GIMAP5: variants seen among roughly 807,000 people sequenced by gnomAD.
The protein encoded by GIMAP5 is GTPase, IMAP family member 5, also known as GTPase IMAP family member 5.
GIMAP5 carries 8 observed loss-of-function variants against 9.9 expected under a neutral mutation model. The observed-to-expected ratio is 0.81, with a 90% CI of 0.47 to 1.45. The LOEUF is 1.45. Ranked by LOEUF, GIMAP5 falls within the 40% of genes most tolerant of loss-of-function variation. The probability of loss-of-function intolerance (pLI) is 0.00; values close to 1 mark genes in which losing one functional copy is unlikely to be tolerated. For synonymous variants in GIMAP5, 174 were observed against 151.4 expected, an observed-to-expected ratio of 1.15 and a Z score of -1.09; for missense variants, 353 against 367.4, an observed-to-expected ratio of 0.96 and a Z score of 0.32.
In GIMAP5 at chr7:150,741,069, G is replaced by A; in HGVS notation, c.43+142G>A. Reference sequence around the variant, plus strand: ...GATAAAGGCAACTATCATCACGTGTGTGTTATCAAACCATCACACACACAC... The same window carrying A: ...GATAAAGGCAACTATCATCACGTGTATGTTATCAAACCATCACACACACAC... On this transcript the variant is annotated intron_variant, in intron 2 of 2. Transcript: ENST00000358647. The A allele has an allele frequency of 3.9e-6, 3 of 762,284 alleles. No homozygotes were observed. The South Asian group carries it at 5.2e-5, about 13-fold the overall frequency. 47.2% of individuals were successfully genotyped at this position (762,284 alleles called of 1,614,324 possible). A position where few individuals can be genotyped will look rare whatever the true frequency, so the allele number is the denominator to read the frequency against.
Position 150,737,439 on chromosome 7 carries a change from A to C in GIMAP5, c.-276A>C. 7.8e-7 allele frequency: 1 copy of C among 1,280,054 alleles called. No individual in the cohort carries two copies. Among genetic ancestry groups the C allele is most frequent in the Non-Finnish European group, 1.1e-6 (1 of 918,180 alleles). The allele number at this position is 1,280,054 out of a possible 1,614,324, so 79.3% of individuals were successfully genotyped here. Reference sequence around the variant, plus strand: ...TCCCAATCAGTTTCCAGCCAACACCAGGGTGTCCTAGTCCGCAGAGGTGTG... The same window carrying C: ...TCCCAATCAGTTTCCAGCCAACACCCGGGTGTCCTAGTCCGCAGAGGTGTG... On this transcript the variant is annotated 5_prime_UTR_variant, in exon 1 of 3. Coordinates refer to ENST00000358647, the MANE Select transcript of GIMAP5 (RefSeq NM_018384.5).
intron 1 of GIMAP5, chr7:150,738,822 T>C (rs746926149): frequency 7.9e-5 from 12 of 152,390 alleles, no homozygotes; most frequent in Middle Eastern, 3.4e-3. Context: ...CTCTATTCAG[T>C]TCTTTTATAA....
At chr7:150,737,906 C>G (rs1227441428) in intron 1 of GIMAP5, 198 bp downstream of exon 1, 1 of 600,038 alleles carries the variant, frequency 1.7e-6, no homozygotes, top group East Asian at 2.8e-5. Context: ...CCTGAAGAAT[C>G]TGTGCCTGCA....
At chr7:150,741,456 C>T (rs1797593275) in intron 2 of GIMAP5, among the ~76,000 whole-genome samples, 1 of 152,204 alleles carries the variant, frequency 6.6e-6, no homozygotes, top group African/African-American at 2.4e-5. Flanking sequence ...GTCACCCTCT[C>T]CAACACCACT....
rs997503558 is a variant in GIMAP5 at position 150,742,237 on chromosome 7, T to C, written c.98T>C (p.Val33Ala). The C allele has an allele frequency of 1.2e-6, 2 of 1,614,212 alleles. No individual in the cohort carries two copies. The highest frequency in any genetic ancestry group is 2.2e-5 in the East Asian group (1 of 44,884). ...ATPPALRIILVGKTGCGKSAT... is the reference protein window; with the variant it reads ...ATPPALRIILAGKTGCGKSAT... Reference sequence around the variant, plus strand: ...CCACCGGCATTGAGGATTATCCTAGTGGGCAAAACAGGCTGCGGGAAAAGT... The same window carrying C: ...CCACCGGCATTGAGGATTATCCTAGCGGGCAAAACAGGCTGCGGGAAAAGT... The change falls in exon 3 of 3, where the codon GTG becomes GCG. Residue 33 changes from valine (V) to alanine (A), a missense_variant. Val to Ala is a moderately conservative substitution (Grantham distance 64, BLOSUM62 0). Transcript: ENST00000358647.
In GIMAP5 at chr7:150,742,554, G is replaced by C. The variant is rs375326276; in HGVS notation, c.415G>C (p.Gly139Arg). 115 of 1,614,056 alleles carry C rather than the reference G, an allele frequency of 7.1e-5. No individual in the cohort carries two copies. The highest frequency in any genetic ancestry group is 9.5e-5 in the Non-Finnish European group (112 of 1,180,036). The stretch of plus-strand genomic sequence containing the variant: ...CATCAGGAAGGTGAAAGAGGTCTTT[G>C]GGACAGGGGCCATGAGACATGTGGT... ...VAIRKVKEVF[G>R]TGAMRHVVIL... The change falls in exon 3 of 3, where the codon GGG becomes CGG. Residue 139 changes from glycine to arginine, a missense_variant. Coordinates refer to ENST00000358647, the MANE Select transcript of GIMAP5 (RefSeq NM_018384.5).
chr7:150,737,699 A>G lies in GIMAP5; in HGVS notation c.-16A>G, dbSNP rs2116571044. 1.3e-6 allele frequency: 2 copies of G among 1,535,330 alleles called. No individual in the cohort carries two copies. The highest frequency in any genetic ancestry group is 1.7e-4 in the Middle Eastern group (1 of 5,894). ...CCACCCTGGAGGACAGGGCACAACAACCGTTTCTGGTAAGGAGAACTGGGT... is the reference window on the plus strand; with the variant it reads ...CCACCCTGGAGGACAGGGCACAACAGCCGTTTCTGGTAAGGAGAACTGGGT... On this transcript the variant is annotated 5_prime_UTR_variant, in exon 1 of 3. Coordinates refer to ENST00000358647, the MANE Select transcript of GIMAP5 (RefSeq NM_018384.5).
At position 150,742,855 on chromosome 7, in the gene GIMAP5, A is replaced by G. The variant is rs186198396; in HGVS notation, c.716A>G (p.Gln239Arg). ...LLQRTGAGAC[Q>R]EDYRQYQAKV... ...CAAAGAACTGGAGCTGGGGCCTGCC[A>G]GGAAGACTACAGGCAGTACCAGGCC... Residue 239 changes from glutamine to arginine, a missense_variant, in exon 3 of 3, where the codon CAG becomes CGG. Transcript: ENST00000358647. 1.9e-4 allele frequency: 312 copies of G among 1,614,212 alleles called. 2 individuals are homozygous for G. In the East Asian group the frequency reaches 6.2e-3, roughly 32 times the overall value.
At chr7:150,740,784 T>A (rs1797582805) in intron 1 of GIMAP5, 95 bp from the exon 2 acceptor site, 1 of 1,187,668 alleles carries the variant, frequency 8.4e-7, no homozygotes, top group Admixed American at 1.9e-5. Context: ...CATTTGAGAA[T>A]GATTATTCTT....
Position 150,743,323 on chromosome 7 carries a change from A to T in GIMAP5, c.*260A>T. On this transcript the variant is annotated 3_prime_UTR_variant, in exon 3 of 3. Coordinates refer to ENST00000358647, the MANE Select transcript of GIMAP5 (RefSeq NM_018384.5). The stretch of plus-strand genomic sequence containing the variant: ...CTGAGATCCCATGCAGGTCCCTGAG[A>T]AGTGAGTAAAAGTCCGCAGAGGTGG... 2.3e-6 allele frequency: 1 copy of T among 431,234 alleles called. No homozygotes were observed. The highest frequency in any genetic ancestry group is 2.9e-5 in the South Asian group (1 of 34,138). 26.7% of individuals were successfully genotyped at this position (431,234 alleles called of 1,614,324 possible).
intron 1 of GIMAP5, chr7:150,739,616 A>G (rs984438736): frequency 6.6e-6 from 1 of 152,206 alleles, no homozygotes; most frequent in Non-Finnish European, 1.5e-5. Flanking sequence ...AACTGGTGCT[A>G]TTTTAGCAAA....
Position 150,737,484 on chromosome 7 carries a change from T to C in GIMAP5, c.-231T>C, listed in dbSNP as rs1797532060. On this transcript the variant is annotated 5_prime_UTR_variant, in exon 1 of 3. Transcript: ENST00000358647. ...GGTGTGGGGGACACACTCCATAATC[T>C]CTACTTTTCTTTTTGTGCAGCTGAG... 2 of 1,529,282 alleles carry C rather than the reference T, an allele frequency of 1.3e-6. No homozygotes were observed. Among genetic ancestry groups the C allele is most frequent in the Non-Finnish European group, 1.8e-6 (2 of 1,141,402 alleles). The allele number at this position is 1,529,282 out of a possible 1,614,324, so 94.7% of individuals were successfully genotyped here. A position where few individuals can be genotyped will look rare whatever the true frequency, so the allele number is the denominator to read the frequency against.
chr7:150,737,711 AAGG>A lies in GIMAP5; in HGVS notation c.-7+6_-7+8del, dbSNP rs1373365159. ...ACAGGGCACAACAACCGTTTCTGGT[AAGG>A]AGAACTGGGTTTATGCTCACAGAGA... On this transcript the variant is annotated splice_donor_5th_base_variant and intron_variant, in intron 1 of 2. Coordinates refer to ENST00000358647, the MANE Select transcript of GIMAP5 (RefSeq NM_018384.5). 2 of 1,534,510 alleles carry A rather than the reference AAGG, an allele frequency of 1.3e-6. No individual in the cohort carries two copies. The highest frequency in any genetic ancestry group is 1.7e-6 in the Non-Finnish European group (2 of 1,146,048).
In GIMAP5 at chr7:150,743,267, C is replaced by G; in HGVS notation, c.*204C>G. 1 of 610,676 alleles carries G rather than the reference C, an allele frequency of 1.6e-6. No individual in the cohort carries two copies. The highest frequency in any genetic ancestry group is 1.9e-5 in the African/African-American group (1 of 54,016). The allele number at this position is 610,676 out of a possible 1,614,324, so 37.8% of individuals were successfully genotyped here. A position where few individuals can be genotyped will look rare whatever the true frequency, so the allele number is the denominator to read the frequency against. ...TGCCTGCTGTAAACACTATTCCACTCTGTCTGCCAACAACTGCTTCAGGAA... is the reference window on the plus strand; with the variant it reads ...TGCCTGCTGTAAACACTATTCCACTGTGTCTGCCAACAACTGCTTCAGGAA... On this transcript the variant is annotated 3_prime_UTR_variant, in exon 3 of 3. Transcript: ENST00000358647.
At position 150,742,633 on chromosome 7, in the gene GIMAP5, T is replaced by C. The variant is rs980646452; in HGVS notation, c.494T>C (p.Val165Ala). The C allele has an allele frequency of 8.1e-6, 13 of 1,614,070 alleles. No individual in the cohort carries two copies. The highest frequency in any genetic ancestry group is 1.1e-5 in the Non-Finnish European group (13 of 1,180,032). ...DLGGQALDDY[V>A]ANTDNCSLKD... ...GGGGGCCAGGCCCTGGATGACTATG[T>C]AGCAAACACGGACAACTGCAGCCTG... The change falls in exon 3 of 3, where the codon GTA becomes GCA. Residue 165 changes from valine (V) to alanine (A), a missense_variant. Coordinates refer to ENST00000358647, the MANE Select transcript of GIMAP5 (RefSeq NM_018384.5).
chr7:150,741,332 G>C (rs999378015), intron 2 of GIMAP5, among the ~76,000 whole-genome samples: 6 of 152,158 alleles, frequency 3.9e-5, no homozygotes, highest in Admixed American at 3.3e-4. Flanking sequence ...CAGAGTGGGA[G>C]AAATAAAATA....
At position 150,737,669 on chromosome 7, in the gene GIMAP5, G is replaced by A. The variant is rs1477159274; in HGVS notation, c.-46G>A. On this transcript the variant is annotated 5_prime_UTR_variant, in exon 1 of 3. Coordinates refer to ENST00000358647, the MANE Select transcript of GIMAP5 (RefSeq NM_018384.5). The stretch of plus-strand genomic sequence containing the variant: ...GAGGACCAGCGGCCAGAGCCTCAGT[G>A]ACTGCCACCCTGGAGGACAGGGCAC... 28 of 1,535,604 alleles carry A rather than the reference G, an allele frequency of 1.8e-5. 1 individual carries two copies. The Admixed American group carries it at 5.5e-4, about 30-fold the overall frequency.
intron 1 of GIMAP5, 44 bp from the exon 2 acceptor site, chr7:150,740,835 C>T: frequency 1.2e-6 from 2 of 1,608,044 alleles, no homozygotes; most frequent in Non-Finnish European, 1.7e-6. Flanking sequence ...TACCAGCTCC[C>T]AAACGTACAT....
At position 150,742,730 on chromosome 7, in the gene GIMAP5, G is replaced by A. The variant is rs1357744778; in HGVS notation, c.591G>A (p.Arg197=). The change falls in exon 3 of 3, where the codon AGG becomes AGA. Residue 197 remains arginine, a synonymous_variant. Coordinates refer to ENST00000358647, the MANE Select transcript of GIMAP5 (RefSeq NM_018384.5). ...FNNWGSVEEQ[R]QQQAELLAVI... is the part of the protein sequence containing the mutation. The stretch of plus-strand genomic sequence containing the variant: ...ACTGGGGCTCTGTGGAGGAGCAGAG[G>A]CAGCAGCAGGCAGAGCTCCTGGCTG... The A allele has an allele frequency of 5.6e-6, 9 of 1,614,214 alleles. No homozygotes were observed. Among genetic ancestry groups the A allele is most frequent in the Non-Finnish European group, 7.6e-6 (9 of 1,180,024 alleles).
Sources: gnomAD v4.1 joint callset for allele counts (sites outside exome capture counted in the v4.1 genomes callset) on GRCh38, gnomAD v4.1.1 for gene constraint, MANE v1.5 for transcripts, NCBI Gene and HGNC (gene_info 2026-07-23, HGNC 2026-07-21) for gene names.